The following CDH9 variants were observed in gnomAD, a reference collection of about 807,000 sequenced individuals.
CDH9 encodes the protein cadherin 9, also known as cadherin-9.
A neutral mutation model predicts 70.9 loss-of-function variants in CDH9; 28 were observed. The ratio of observed to expected loss-of-function variants is 0.40; its 90% CI spans 0.29 to 0.54. CDH9 has a LOEUF of 0.54. Ranked by LOEUF, CDH9 falls within the 20% of genes least tolerant of loss-of-function variation. The pLI is 0.59. For synonymous variants in CDH9, 409 were observed against 343.1 expected, an observed-to-expected ratio of 1.19 and a Z score of -2.12; for missense variants, 874 against 984.4, an observed-to-expected ratio of 0.89 and a Z score of 1.50.
intron 2 of CDH9, among the ~76,000 whole-genome samples, chr5:26,945,582 G>T (rs372787229): frequency 1.3e-5 from 2 of 152,028 alleles, no homozygotes; most frequent in Admixed American, 1.3e-4. Context: ...TCAGCATTTA[G>T]ACTTGCTCCT....
At chr5:26,962,169 G>T (rs1240603704) in intron 2 of CDH9, among the ~76,000 whole-genome samples, 2 of 152,032 alleles carry the variant, frequency 1.3e-5, no homozygotes, top group Non-Finnish European at 2.9e-5. Context: ...TCCTTTTTAT[G>T]GCTTCATAGT....
In CDH9 at chr5:26,939,531, A is replaced by G. The variant is rs187242868; in HGVS notation, c.229-23607T>C. On this transcript the variant is annotated intron_variant, in intron 2 of 11. Transcript: ENST00000231021. The stretch of plus-strand genomic sequence containing the variant: ...ATTCTCAAATTTACAGTGACAAAAT[A>G]ATGATTATAGATGATGTTGGGAAGC... Among the ~76,000 whole-genome samples the G allele has an allele frequency of 6.9e-3, 1,047 of 151,888 alleles. 9 individuals carry two copies. The highest frequency in any genetic ancestry group is 0.024 in the African/African-American group (995 of 41,524).
At chr5:26,978,524 C>T (rs1435595053) in intron 2 of CDH9, among the ~76,000 whole-genome samples, 1 of 151,390 alleles carries the variant, frequency 6.6e-6, no homozygotes, top group African/African-American at 2.4e-5. Context: ...ATATGAAATG[C>T]CCTAAAATAC....
chr5:26,964,679 C>T (rs559934543), intron 2 of CDH9, among the ~76,000 whole-genome samples: 34 of 152,104 alleles, frequency 2.2e-4, no homozygotes, highest in African/African-American at 7.2e-4. Flanking sequence ...ATTTGGACAA[C>T]GTGCAGGTTT....
At chr5:26,890,858 A>T (rs986047701) in intron 7 of CDH9, 1 of 288,548 alleles carries the variant, frequency 3.5e-6, no homozygotes, top group African/African-American at 2.2e-5. Flanking sequence ...CACTTATCCT[A>T]TCGTAGGCCT....
At chr5:26,929,976 A>G (rs978384515) in intron 2 of CDH9, among the ~76,000 whole-genome samples, 2 of 152,032 alleles carry the variant, frequency 1.3e-5, no homozygotes, top group African/African-American at 2.4e-5. Flanking sequence ...ACTTTTAAAA[A>G]TAACTAAAAG....
intron 1 of CDH9, among the ~76,000 whole-genome samples, chr5:27,005,302 G>A (rs1167513677): frequency 1.3e-5 from 2 of 152,056 alleles, no homozygotes; most frequent in East Asian, 3.9e-4. Flanking sequence ...CCTGGACATA[G>A]GAAGGGCAAA....
chr5:26,923,673 A>G (rs1327179869), intron 2 of CDH9, among the ~76,000 whole-genome samples: 2 of 152,074 alleles, frequency 1.3e-5, no homozygotes, highest in Non-Finnish European at 2.9e-5. Flanking sequence ...GCCACAAAAC[A>G]TATTTTGAAA....
intron 2 of CDH9, among the ~76,000 whole-genome samples, chr5:26,966,139 C>T (rs1358904719): frequency 6.6e-6 from 1 of 152,150 alleles, no homozygotes; most frequent in Admixed American, 6.6e-5. Flanking sequence ...AAGCCCTGCC[C>T]TGGAGTTCCT....
At chr5:27,016,845 G>A (rs1447192381) in intron 1 of CDH9, among the ~76,000 whole-genome samples, 1 of 151,810 alleles carries the variant, frequency 6.6e-6, no homozygotes, top group Non-Finnish European at 1.5e-5. Context: ...GAAATAAAGG[G>A]AGCATTTTTA....
chr5:26,897,710 T>A (rs1459741999), intron 7 of CDH9, among the ~76,000 whole-genome samples: 1 of 152,094 alleles, frequency 6.6e-6, no homozygotes, highest in African/African-American at 2.4e-5. Context: ...ACAGCCAATA[T>A]CATACTGAAT....
intron 7 of CDH9, among the ~76,000 whole-genome samples, chr5:26,900,173 C>G (rs1579671009): frequency 6.6e-6 from 1 of 151,936 alleles, no homozygotes; most frequent in East Asian, 1.9e-4. Context: ...AATTCTGTAA[C>G]TACTAGAGAA....
intron 1 of CDH9, among the ~76,000 whole-genome samples, chr5:26,993,583 A>T (rs73076028): frequency 0.02 from 2,991 of 151,300 alleles, 90 homozygotes; most frequent in African/African-American, 0.07. Flanking sequence ...TTAATATGAC[A>T]GCCCAGGAGG....
intron 2 of CDH9, among the ~76,000 whole-genome samples, chr5:26,943,138 A>G (rs1397532982): frequency 1.3e-5 from 2 of 152,150 alleles, no homozygotes; most frequent in Admixed American, 6.5e-5. Flanking sequence ...ACAAAAACCA[A>G]AAATGCAAAC....
At chr5:27,012,940 G>T (rs1742983693) in intron 1 of CDH9, among the ~76,000 whole-genome samples, 1 of 151,894 alleles carries the variant, frequency 6.6e-6, no homozygotes, top group Admixed American at 6.6e-5. Flanking sequence ...AAAATCTGTG[G>T]GAGGGTGAGT....
At chr5:27,007,781 G>C (rs952689614) in intron 1 of CDH9, among the ~76,000 whole-genome samples, 2 of 151,966 alleles carry the variant, frequency 1.3e-5, no homozygotes, top group African/African-American at 4.8e-5. Flanking sequence ...CACATACAAG[G>C]TATTTAGTAT....
chr5:27,012,850 T>C (rs74532282), intron 1 of CDH9, among the ~76,000 whole-genome samples: 1 of 152,024 alleles, frequency 6.6e-6, no homozygotes, highest in Non-Finnish European at 1.5e-5. Context: ...AACACTGATA[T>C]TAAAATTCTA....
intron 3 of CDH9, among the ~76,000 whole-genome samples, chr5:26,911,002 C>A (rs1412377974): frequency 6.6e-6 from 1 of 152,180 alleles, no homozygotes; most frequent in East Asian, 1.9e-4. Flanking sequence ...GAATTTAAAT[C>A]ATGCTTTGTT....
intron 2 of CDH9, among the ~76,000 whole-genome samples, chr5:26,945,080 G>T (rs7728777): frequency 0.051 from 7,817 of 152,108 alleles, 685 homozygotes; most frequent in African/African-American, 0.18. Context: ...GAAAATTTCA[G>T]AAATAGAAGT....
Sources: gnomAD v4.1 joint callset for allele counts (sites outside exome capture counted in the v4.1 genomes callset) on GRCh38, gnomAD v4.1.1 for gene constraint, MANE v1.5 for transcripts, NCBI Gene and HGNC (gene_info 2026-07-23, HGNC 2026-07-21) for gene names.